The following SEMA5B variants were observed in gnomAD, a reference collection of about 807,000 sequenced individuals.
The protein encoded by SEMA5B is semaphorin 5B.
A neutral mutation model predicts 135.0 loss-of-function variants in SEMA5B; 66 were observed. The ratio of observed to expected loss-of-function variants is 0.49; its 90% CI spans 0.40 to 0.60. The LOEUF (loss-of-function observed/expected upper bound fraction) is 0.60, where lower values mean the gene tolerates loss of function less well. SEMA5B is among the 20% of genes least tolerant of loss of function. SEMA5B has a pLI of 0.00. For missense variants in SEMA5B, 1,501 were observed against 1,566.3 expected, an observed-to-expected ratio of 0.96 and a Z score of 0.70; for synonymous variants, 690 against 639.5, an observed-to-expected ratio of 1.08 and a Z score of -1.19.
At chr3:123,026,802 C>A (rs746396762) in intron 1 of SEMA5B, among the ~76,000 whole-genome samples, 3 of 152,238 alleles carry the variant, frequency 2.0e-5, no homozygotes, top group Non-Finnish European at 4.4e-5. Context: ...CTGCTTCCAG[C>A]TGCCGCACCC....
Position 122,909,852 on chromosome 3 carries a change from T to C in SEMA5B, c.*291A>G. On this transcript the variant is annotated 3_prime_UTR_variant, in exon 23 of 23. Transcript: ENST00000357599. ...TCCAATTCCTCAAATGCCCAGTAGG[T>C]CCACAGCCCAGGCATGGCAGCATAG... The C allele has an allele frequency of 3.1e-6, 1 of 320,176 alleles. No individual in the cohort carries two copies. Among genetic ancestry groups the C allele is most frequent in the African/African-American group, 2.1e-5 (1 of 46,988 alleles). The allele number at this position is 320,176 out of a possible 1,614,324, so 19.8% of individuals were successfully genotyped here.
rs146910280 is a variant in SEMA5B at position 123,020,443 on chromosome 3, G to A, written c.-39+7021C>T. Among the ~76,000 whole-genome samples, 895 of 152,286 alleles carry A rather than the reference G, an allele frequency of 5.9e-3. 5 individuals carry two copies. The highest frequency in any genetic ancestry group is 9.5e-3 in the Non-Finnish European group (648 of 68,014). ...TTTTTAAGAAAAAAATGACCAAAAGGAAGTAACCAGACAGGAGCTCTCACA... is the reference window on the plus strand; with the variant it reads ...TTTTTAAGAAAAAAATGACCAAAAGAAAGTAACCAGACAGGAGCTCTCACA... On this transcript the variant is annotated intron_variant, in intron 1 of 22. Transcript: ENST00000357599.
At chr3:122,931,109 T>C (rs1938949929) in intron 5 of SEMA5B, among the ~76,000 whole-genome samples, 1 of 152,216 alleles carries the variant, frequency 6.6e-6, no homozygotes, top group African/African-American at 2.4e-5. Context: ...AGTTAAATAG[T>C]ATTAAAATGT....
chr3:122,960,131 C>A (rs1284908806), intron 2 of SEMA5B, among the ~76,000 whole-genome samples: 1 of 152,162 alleles, frequency 6.6e-6, no homozygotes, highest in Non-Finnish European at 1.5e-5. Flanking sequence ...GGCAGCAAAT[C>A]CAACTAAAGG....
intron 1 of SEMA5B, among the ~76,000 whole-genome samples, chr3:122,977,155 G>A (rs1162799441): frequency 1.3e-5 from 2 of 152,058 alleles, no homozygotes; most frequent in African/African-American, 4.8e-5. Context: ...GCTATGAAAT[G>A]AGGAGGAGGA....
At chr3:122,959,439 G>A (rs1201993261) in intron 2 of SEMA5B, among the ~76,000 whole-genome samples, 1 of 152,194 alleles carries the variant, frequency 6.6e-6, no homozygotes, top group Non-Finnish European at 1.5e-5. Flanking sequence ...CCATGTGGGT[G>A]GAGCCCAGGC....
At chr3:123,010,975 G>A (rs537246690) in intron 1 of SEMA5B, among the ~76,000 whole-genome samples, 35 of 152,286 alleles carry the variant, frequency 2.3e-4, no homozygotes, top group Non-Finnish European at 4.6e-4. Context: ...TCTCACTGAG[G>A]CCAGGACATT....
chr3:123,005,386 G>A (rs1374501312), intron 1 of SEMA5B, among the ~76,000 whole-genome samples: 3 of 152,110 alleles, frequency 2.0e-5, no homozygotes, highest in Non-Finnish European at 4.4e-5. Context: ...TTTAGAGAAA[G>A]GGTCTTGCTC....
intron 3 of SEMA5B, among the ~76,000 whole-genome samples, chr3:122,944,980 A>AG (rs1560340067): frequency 6.6e-6 from 1 of 151,582 alleles, no homozygotes; most frequent in Admixed American, 6.6e-5. Flanking sequence ...AAGGGCCAGG[A>AG]GAGAGAGAGA....
intron 1 of SEMA5B, among the ~76,000 whole-genome samples, chr3:122,982,880 C>T (rs538150490): frequency 2.6e-5 from 4 of 152,202 alleles, no homozygotes; most frequent in African/African-American, 4.8e-5. Context: ...CCTGGTCACC[C>T]GGGAATGGGG....
intron 1 of SEMA5B, among the ~76,000 whole-genome samples, chr3:122,996,259 G>A (rs576514661): frequency 4.6e-5 from 7 of 152,376 alleles, no homozygotes; most frequent in African/African-American, 1.7e-4. Flanking sequence ...TGGCGGCTAC[G>A]GGTGGCAGAA....
At chr3:122,932,243 ATTTTTTTTT>A (rs71136597) in intron 5 of SEMA5B, among the ~76,000 whole-genome samples, 8,096 of 85,318 alleles carry the variant, frequency 0.095, 335 homozygotes, top group Middle Eastern at 0.23. Flanking sequence ...TCTCAATATG[ATTTTTTTTT>A]TTTTTTTTTT....
Position 122,915,529 on chromosome 3 carries a change from C to A in SEMA5B, c.1899G>T (p.Leu633=), listed in dbSNP as rs776595997. 1.2e-6 allele frequency: 2 copies of A among 1,614,126 alleles called. No individual in the cohort carries two copies. Among genetic ancestry groups the A allele is most frequent in the Non-Finnish European group, 1.7e-6 (2 of 1,180,016 alleles). Residue 633 remains leucine (L), a synonymous_variant, in exon 14 of 23, where the codon CTG becomes CTT. Coordinates refer to ENST00000357599, the MANE Select transcript of SEMA5B (RefSeq NM_001031702.4). ...HLDGDNSGSC[L]CRARSCDSPR... ...GGGAATCACAGGATCGAGCTCGACA[C>A]AGGCAAGAGCCTGAGTTGTCCCCAT...
At chr3:122,954,791 T>C (rs985129905) in intron 2 of SEMA5B, among the ~76,000 whole-genome samples, 1 of 130,492 alleles carries the variant, frequency 7.7e-6, no homozygotes, top group African/African-American at 2.8e-5. Context: ...GGGGTGGTCA[T>C]CTTTTTTTTT....
intron 12 of SEMA5B, among the ~76,000 whole-genome samples, chr3:122,916,801 T>C (rs905460252): frequency 3.9e-5 from 6 of 152,074 alleles, no homozygotes; most frequent in Admixed American, 6.5e-5. Context: ...TCTAGTGCTT[T>C]AGCATCTTGA....
At chr3:122,958,062 A>G (rs1392371795) in intron 2 of SEMA5B, among the ~76,000 whole-genome samples, 1 of 152,234 alleles carries the variant, frequency 6.6e-6, no homozygotes, top group African/African-American at 2.4e-5. Flanking sequence ...CTCCAGAGAA[A>G]CAAATTCTAG....
rs180699539 is a variant in SEMA5B, at chr3:122,992,014, G to A, written c.-38-30713C>T. On this transcript the variant is annotated intron_variant, in intron 1 of 22. Transcript: ENST00000357599. ...CGACCTCCTAGATCTCCTTATTCCCGGAGGCAGCCCAAGCTGAAAACAAAA... is the reference window on the plus strand; with the variant it reads ...CGACCTCCTAGATCTCCTTATTCCCAGAGGCAGCCCAAGCTGAAAACAAAA... Among the ~76,000 whole-genome samples the A allele has an allele frequency of 1.9e-4, 29 of 152,136 alleles. 1 individual carries two copies. The East Asian group carries it at 1.9e-3, about 10-fold the overall frequency.
intron 1 of SEMA5B, among the ~76,000 whole-genome samples, chr3:123,000,587 T>C (rs77269363): frequency 7.1e-4 from 108 of 152,194 alleles, no homozygotes; most frequent in African/African-American, 2.5e-3. Context: ...GTCACTGTCA[T>C]CACCCCAGGG....
At chr3:123,016,941 A>G (rs4677990) in intron 1 of SEMA5B, among the ~76,000 whole-genome samples, 139,315 of 143,904 alleles carry the variant, frequency 0.97, 67,463 homozygotes, top group East Asian at 1. Context: ...ACCCAGGCTG[A>G]AGTGCAGTGG....
Sources: gnomAD v4.1 joint callset for allele counts (sites outside exome capture counted in the v4.1 genomes callset) on GRCh38, gnomAD v4.1.1 for gene constraint, MANE v1.5 for transcripts, NCBI Gene and HGNC (gene_info 2026-07-23, HGNC 2026-07-21) for gene names.